Variants in WWOX observed in about 807,000 individuals in gnomAD.
WWOX encodes WW domain-containing oxidoreductase.
A neutral mutation model predicts 46.2 loss-of-function variants in WWOX; 69 were observed. That is an observed-to-expected ratio of 1.49 (90% confidence interval 1.23 to 1.82). The LOEUF (loss-of-function observed/expected upper bound fraction) is 1.82. Among genes scored for constraint, WWOX ranks in the 40% most tolerant of loss-of-function variants. The probability of loss-of-function intolerance (pLI) is 0.00; values close to 1 mark genes in which losing one functional copy is unlikely to be tolerated. For synonymous variants in WWOX, 359 were observed against 202.6 expected (o/e 1.77, Z -6.56); for missense variants, 919 against 542.6 (o/e 1.69, Z -6.89).
intron 8 of WWOX, among the ~76,000 whole-genome samples, chr16:78,578,260 A>ATATATATATATATATATT (rs1555567062): frequency 8.4e-4 from 18 of 21,526 alleles, no homozygotes; most frequent in African/African-American, 2.8e-3. Context: ...AATTTTATAT[A>ATATATATATATATATATT]TATATATATA....
intron 5 of WWOX, among the ~76,000 whole-genome samples, chr16:78,208,165 G>A (rs546200890): frequency 1.5e-4 from 23 of 152,242 alleles, no homozygotes; most frequent in African/African-American, 5.3e-4. Flanking sequence ...TTATTCCTTC[G>A]TGGAGCTCAG....
chr16:78,923,607 G>C (rs191951390), intron 8 of WWOX, among the ~76,000 whole-genome samples: 7 of 151,840 alleles, frequency 4.6e-5, no homozygotes, highest in African/African-American at 1.7e-4. Context: ...ATCTCTTGGC[G>C]GGTGGGGGGA....
chr16:78,803,082 A>C (rs143248957), intron 8 of WWOX, among the ~76,000 whole-genome samples: 1,650 of 151,868 alleles, frequency 0.011, 15 homozygotes, highest in Non-Finnish European at 0.017. Context: ...TTTTTAAAAA[A>C]TGTCTTGGAA....
intron 5 of WWOX, among the ~76,000 whole-genome samples, chr16:78,331,579 G>C (rs548075368): frequency 6.6e-6 from 1 of 152,348 alleles, no homozygotes; most frequent in South Asian, 2.1e-4. Context: ...GCAGCACACA[G>C]ACGTGGCCCT....
intron 8 of WWOX, among the ~76,000 whole-genome samples, chr16:78,819,870 G>A (rs1215547458): frequency 6.6e-6 from 1 of 152,226 alleles, no homozygotes; most frequent in African/African-American, 2.4e-5. Flanking sequence ...TCTTCTTTGA[G>A]TGAGACTTGA....
At chr16:79,125,620 C>T (rs1271689611) in intron 8 of WWOX, among the ~76,000 whole-genome samples, 1 of 152,112 alleles carries the variant, frequency 6.6e-6, no homozygotes, top group Non-Finnish European at 1.5e-5. Flanking sequence ...CTTCCTGCAT[C>T]CTCCCAAGGA....
intron 8 of WWOX, among the ~76,000 whole-genome samples, chr16:79,167,830 C>T (rs908830366): frequency 2.0e-5 from 3 of 152,206 alleles, no homozygotes; most frequent in Non-Finnish European, 4.4e-5. Context: ...ATGCCACCGT[C>T]ACCTCTTTTT....
chr16:78,730,163 A>G (rs2048935081), intron 8 of WWOX, among the ~76,000 whole-genome samples: 1 of 152,072 alleles, frequency 6.6e-6, no homozygotes, highest in African/African-American at 2.4e-5. Context: ...AGAATATAAA[A>G]TTTTGTTCTA....
chr16:78,325,334 C>T (rs1376775453), intron 5 of WWOX, among the ~76,000 whole-genome samples: 1 of 152,160 alleles, frequency 6.6e-6, no homozygotes, highest in Non-Finnish European at 1.5e-5. Context: ...AGCAATGTTT[C>T]ATTATTCCTA....
chr16:78,178,384 C>G (rs1567614397), intron 5 of WWOX, among the ~76,000 whole-genome samples: 1 of 152,216 alleles, frequency 6.6e-6, no homozygotes, highest in Non-Finnish European at 1.5e-5. Context: ...ACTGTGGCCC[C>G]ACAGACCTTG....
At chr16:78,811,701 C>G (rs1241088519) in intron 8 of WWOX, among the ~76,000 whole-genome samples, 1 of 151,944 alleles carries the variant, frequency 6.6e-6, no homozygotes, top group Non-Finnish European at 1.5e-5. Flanking sequence ...GGCTACTAAT[C>G]CCCTCATGAG....
In WWOX at chr16:78,631,416, C is replaced by T. The variant is rs571755204; in HGVS notation, c.1056+198664C>T. On this transcript the variant is annotated intron_variant, in intron 8 of 8. Coordinates refer to ENST00000566780, the MANE Select transcript of WWOX (RefSeq NM_016373.4). ...GATCATCAAGATATTCCAGCTATGG[C>T]AAACTGCGGAAGAATTAGGACAGAT... Among the ~76,000 whole-genome samples the T allele has an allele frequency of 4.6e-5, 7 of 152,248 alleles. No homozygotes were observed. In the South Asian group the frequency reaches 8.3e-4, roughly 18 times the overall value.
intron 8 of WWOX, among the ~76,000 whole-genome samples, chr16:78,458,573 T>C (rs1018447984): frequency 1.3e-5 from 2 of 152,180 alleles, no homozygotes; most frequent in African/African-American, 2.4e-5. Flanking sequence ...TGGTATACCA[T>C]TGTTTTTCTT....
chr16:78,726,522 C>G (rs186501188), intron 8 of WWOX, among the ~76,000 whole-genome samples: 2 of 151,928 alleles, frequency 1.3e-5, no homozygotes, highest in East Asian at 3.9e-4. Flanking sequence ...GCATGAACCA[C>G]TGCACCCAGC....
chr16:78,969,297 GTC>G lies in WWOX; in HGVS notation c.1057-242303_1057-242302del, dbSNP rs546187391. 1.1e-4 allele frequency among the ~76,000 whole-genome samples: 17 copies of G among 151,198 alleles called. 1 individual carries two copies. The East Asian group carries it at 2.7e-3, about 24-fold the overall frequency. On this transcript the variant is annotated intron_variant, in intron 8 of 8. Transcript: ENST00000566780. ...TTTTTTTTTTTCTTTTTGAGGAAGG[GTC>G]TCTCTCTGTCACCTGGCTGGAATAC... is the stretch of plus-strand genomic sequence containing the variant.
At chr16:78,810,804 A>G (rs78323765) in intron 8 of WWOX, among the ~76,000 whole-genome samples, 1,829 of 151,908 alleles carry the variant, frequency 0.012, 44 homozygotes, top group East Asian at 0.045. Flanking sequence ...TGCAGGGGGG[A>G]AAAAAAACTC....
intron 8 of WWOX, among the ~76,000 whole-genome samples, chr16:78,785,181 C>T (rs1006553803): frequency 2.0e-5 from 3 of 152,172 alleles, no homozygotes; most frequent in African/African-American, 7.2e-5. Flanking sequence ...AAGAATTAAG[C>T]AAAGTAAGAT....
intron 8 of WWOX, among the ~76,000 whole-genome samples, chr16:78,796,892 C>T (rs79837236): frequency 6.7e-6 from 1 of 149,898 alleles, no homozygotes; most frequent in African/African-American, 2.5e-5. Context: ...GTGGTGCGAT[C>T]TCGGCTCACT....
At chr16:78,489,910 T>G (rs2084737851) in intron 8 of WWOX, among the ~76,000 whole-genome samples, 1 of 152,140 alleles carries the variant, frequency 6.6e-6, no homozygotes, top group Non-Finnish European at 1.5e-5. Context: ...CCGGATGATT[T>G]TAATGTTTAT....
Sources: gnomAD v4.1 joint callset for allele counts (sites outside exome capture counted in the v4.1 genomes callset) on GRCh38, gnomAD v4.1.1 for gene constraint, MANE v1.5 for transcripts, NCBI Gene and HGNC (gene_info 2026-07-23, HGNC 2026-07-21) for gene names.